The following MGAT4C variants were observed in gnomAD, a reference collection of about 807,000 sequenced individuals.
MGAT4C encodes alpha-1,3-mannosyl-glycoprotein 4-beta-N-acetylglucosaminyltransferase C.
MGAT4C carries 19 observed loss-of-function variants against 40.1 expected under a neutral mutation model. That is an observed-to-expected ratio of 0.47 (90% CI 0.33 to 0.70). The LOEUF is 0.70. Among genes scored for constraint, MGAT4C ranks in the 30% least tolerant of loss-of-function variants. The pLI, the probability that MGAT4C is intolerant of heterozygous loss-of-function variation, is 0.02. For synonymous variants in MGAT4C, 181 were observed against 187.1 expected, an observed-to-expected ratio of 0.97 and a Z score of 0.27; for missense variants, 491 against 563.2, an observed-to-expected ratio of 0.87 and a Z score of 1.30.
chr12:86,575,505 C>T (rs1272989910), intron 2 of MGAT4C, among the ~76,000 whole-genome samples: 1 of 151,802 alleles, frequency 6.6e-6, no homozygotes, highest in East Asian at 1.9e-4. Context: ...ACATAATGAG[C>T]TCCAGTTCTA....
intron 1 of MGAT4C, among the ~76,000 whole-genome samples, chr12:86,060,664 A>C (rs1893868895): frequency 6.6e-6 from 1 of 152,210 alleles, no homozygotes. Context: ...GCACAAAATG[A>C]CTGAAGAAAA....
chr12:86,717,693 A>C (rs1950667851), intron 2 of MGAT4C, among the ~76,000 whole-genome samples: 1 of 152,152 alleles, frequency 6.6e-6, no homozygotes, highest in Non-Finnish European at 1.5e-5. Context: ...TGAAACATGA[A>C]ATAAGAGGAA....
intron 2 of MGAT4C, among the ~76,000 whole-genome samples, chr12:86,659,716 T>G (rs1963935391): frequency 6.6e-6 from 1 of 152,028 alleles, no homozygotes; most frequent in African/African-American, 2.4e-5. Flanking sequence ...ATGGCTGACA[T>G]TTAGAACTCA....
chr12:86,114,462 T>C (rs1027494855), intron 1 of MGAT4C, among the ~76,000 whole-genome samples: 1 of 152,066 alleles, frequency 6.6e-6, no homozygotes, highest in East Asian at 1.9e-4. Flanking sequence ...TAAAAAATTG[T>C]AGTTACAATG....
At chr12:86,276,989 G>C (rs1953094798) in intron 4 of MGAT4C, among the ~76,000 whole-genome samples, 1 of 152,102 alleles carries the variant, frequency 6.6e-6, no homozygotes, top group South Asian at 2.1e-4. Flanking sequence ...TCTATTTTTA[G>C]TTTTTTGAAG....
intron 3 of MGAT4C, among the ~76,000 whole-genome samples, chr12:86,429,780 A>C (rs1328867037): frequency 6.6e-6 from 1 of 152,056 alleles, no homozygotes; most frequent in African/African-American, 2.4e-5. Context: ...AATTTGATTG[A>C]AGACCTTCAT....
At chr12:86,457,331 G>A (rs973200204) in intron 2 of MGAT4C, among the ~76,000 whole-genome samples, 5 of 152,068 alleles carry the variant, frequency 3.3e-5, no homozygotes, top group South Asian at 4.1e-4. Context: ...GAATTAGTGG[G>A]AGGCAGAATG....
chr12:86,510,877 C>T (rs1164765779), intron 2 of MGAT4C, among the ~76,000 whole-genome samples: 1 of 151,924 alleles, frequency 6.6e-6, no homozygotes, highest in Non-Finnish European at 1.5e-5. Context: ...CTTAGACTCC[C>T]ACACATTAAT....
chr12:86,733,885 G>GA (rs1247605702), intron 1 of MGAT4C, among the ~76,000 whole-genome samples: 3 of 152,072 alleles, frequency 2.0e-5, no homozygotes, highest in South Asian at 2.1e-4. Context: ...TTCTGTTTAT[G>GA]AAAAAAATAA....
In MGAT4C at chr12:86,717,729, G is replaced by A. The variant is rs570717468; in HGVS notation, c.-229+9480C>T. 5.3e-5 allele frequency among the ~76,000 whole-genome samples: 8 copies of A among 152,126 alleles called. No homozygotes were observed. The South Asian group carries it at 1.7e-3, about 32-fold the overall frequency. The stretch of plus-strand genomic sequence containing the variant: ...AAAAGTGCAAGAAATAAACACTCAA[G>A]GTGAGCCTCAACAAATCCATAACTT... On this transcript the variant is annotated intron_variant, in intron 2 of 7. Transcript: ENST00000548651.
chr12:86,492,340 T>C (rs910307673), intron 2 of MGAT4C, among the ~76,000 whole-genome samples: 3 of 152,062 alleles, frequency 2.0e-5, no homozygotes, highest in Non-Finnish European at 4.4e-5. Flanking sequence ...CATTGCCAAG[T>C]CAATCCTAAG....
chr12:86,690,479 G>T (rs118041202), intron 2 of MGAT4C, among the ~76,000 whole-genome samples: 1 of 152,092 alleles, frequency 6.6e-6, no homozygotes, highest in Non-Finnish European at 1.5e-5. Flanking sequence ...TGCTGGTGGC[G>T]AAAACCATGG....
intron 2 of MGAT4C, among the ~76,000 whole-genome samples, chr12:86,709,395 T>C (rs1423749978): frequency 1.3e-5 from 2 of 152,204 alleles, no homozygotes; most frequent in East Asian, 3.9e-4. Context: ...CTAATACAAA[T>C]CTTTATTATT....
chr12:86,754,184 G>C (rs1951265600), intron 1 of MGAT4C, among the ~76,000 whole-genome samples: 1 of 152,106 alleles, frequency 6.6e-6, no homozygotes, highest in African/African-American at 2.4e-5. Flanking sequence ...CTTGTTATAT[G>C]CAATAGCATA....
chr12:86,004,396 T>C (rs147355071), intron 2 of MGAT4C, among the ~76,000 whole-genome samples: 1 of 152,284 alleles, frequency 6.6e-6, no homozygotes, highest in East Asian at 1.9e-4. Flanking sequence ...AGCCAAATTA[T>C]CTTGTCATTT....
chr12:86,618,703 G>T (rs1317901319), intron 2 of MGAT4C, among the ~76,000 whole-genome samples: 1 of 152,074 alleles, frequency 6.6e-6, no homozygotes, highest in Non-Finnish European at 1.5e-5. Context: ...GGGATAAAAA[G>T]AGGTAGATTA....
At chr12:86,312,533 C>T (rs1318494350) in intron 4 of MGAT4C, among the ~76,000 whole-genome samples, 9 of 152,134 alleles carry the variant, frequency 5.9e-5, no homozygotes, top group South Asian at 2.1e-4. Context: ...TAGCCAGCTT[C>T]GCTCTTATAA....
intron 3 of MGAT4C, among the ~76,000 whole-genome samples, chr12:86,401,269 T>A (rs944947230): frequency 7.5e-6 from 1 of 132,498 alleles, no homozygotes; most frequent in Non-Finnish European, 1.6e-5. Flanking sequence ...TATGTGTGTG[T>A]GTGTGTGTGT....
chr12:86,221,387 A>G (rs1247563807), intron 1 of MGAT4C, among the ~76,000 whole-genome samples: 2 of 152,156 alleles, frequency 1.3e-5, no homozygotes, highest in East Asian at 3.9e-4. Context: ...TAATATAAAG[A>G]ATCATTCTTT....
Sources: allele counts gnomAD v4.1 joint callset (sites outside exome capture counted in the v4.1 genomes callset), GRCh38; gene constraint gnomAD v4.1.1; transcripts MANE v1.5; gene names NCBI Gene and HGNC (gene_info 2026-07-23, HGNC 2026-07-21).